Variants in CRYBG2 observed in about 807,000 individuals in gnomAD.
The protein encoded by CRYBG2 is crystallin beta-gamma domain containing 2, also known as beta/gamma crystallin domain-containing protein 2.
A neutral mutation model predicts 153.4 loss-of-function variants in CRYBG2; 106 were observed. That is an observed-to-expected ratio of 0.69 (90% CI 0.59 to 0.81). CRYBG2 has a LOEUF of 0.81. Ranked by LOEUF, CRYBG2 falls within the 30% of genes least tolerant of loss-of-function variation. The pLI is 0.00. For missense variants in CRYBG2, 1,996 were observed against 2,112.0 expected (o/e 0.95, Z 1.08); for synonymous variants, 851 against 877.8 (o/e 0.97, Z 0.54).
At chr1:26,337,924 C>A (rs1213105364) in intron 8 of CRYBG2, 88 bp downstream of exon 8, 1 of 1,520,232 alleles carries the variant, frequency 6.6e-7, no homozygotes. Flanking sequence ...GTGCCCTCCT[C>A]TCTGGATTTC....
At chr1:26,326,738 A>T in intron 17 of CRYBG2, 1 of 404,020 alleles carries the variant, frequency 2.5e-6, no homozygotes, top group Non-Finnish European at 5.1e-6. Context: ...TACAGCCTCT[A>T]ACAAAACTAG....
chr1:26,340,052 A>C (rs935218905), intron 5 of CRYBG2, among the ~76,000 whole-genome samples: 12 of 152,234 alleles, frequency 7.9e-5, no homozygotes, highest in African/African-American at 2.7e-4. Flanking sequence ...AGGATGGGCA[A>C]GATGGACAGC....
In CRYBG2 at chr1:26,336,797, G is replaced by A. The variant is rs769716801; in HGVS notation, c.3911+44C>T. The A allele has an allele frequency of 3.2e-6, 5 of 1,553,756 alleles. No homozygotes were observed. The highest frequency in any genetic ancestry group is 1.9e-5 in the Admixed American group (1 of 51,306). ...CTGCACCTCTCCTGGAACCGCCCCC[G>A]GCTCGCCCGGGCCCGCCCCGCTCCC... is the stretch of plus-strand genomic sequence containing the variant. On this transcript the variant is annotated intron_variant, in intron 11 of 19. Coordinates refer to ENST00000308182, the MANE Select transcript of CRYBG2 (RefSeq NM_001039775.4). This position sits in a 1 kb window ranked among gnomAD's most constrained non-coding sequence, Gnocchi z 4.9.
intron 10 of CRYBG2, 88 bp from the exon 11 acceptor site, chr1:26,337,068 G>C: frequency 5.7e-6 from 9 of 1,572,872 alleles, no homozygotes; most frequent in Non-Finnish European, 7.8e-6. Context: ...GCCCACCCGG[G>C]GAATTAGGGG....
intron 14 of CRYBG2, among the ~76,000 whole-genome samples, chr1:26,332,608 G>T (rs1051531133): frequency 7.9e-5 from 12 of 152,118 alleles, no homozygotes; most frequent in Admixed American, 5.9e-4. Context: ...CTGGGTTTAA[G>T]CAATTCTCCT....
rs1004879601 is a variant in CRYBG2, at chr1:26,325,844, A to G, written c.4579-1534T>C. ...CACATATGCAGGCAGTGCTTCCCCAAGTGAGGTATGCTTACTACCAGTGGG... is the reference window on the plus strand; with the variant it reads ...CACATATGCAGGCAGTGCTTCCCCAGGTGAGGTATGCTTACTACCAGTGGG... On this transcript the variant is annotated intron_variant, in intron 17 of 19. Transcript: ENST00000308182. The surrounding 1 kb of genome is among the most constrained non-coding windows in gnomAD (Gnocchi z 4.1). Among the ~76,000 whole-genome samples, 2 of 152,190 alleles carry G rather than the reference A, an allele frequency of 1.3e-5. No homozygotes were observed. The highest frequency in any genetic ancestry group is 4.8e-5 in the African/African-American group (2 of 41,450).
In CRYBG2 at chr1:26,336,802, G is replaced by A. The variant is rs765991580; in HGVS notation, c.3911+39C>T. ...CCTCTCCTGGAACCGCCCCCGGCTC[G>A]CCCGGGCCCGCCCCGCTCCCGGAGC... On this transcript the variant is annotated intron_variant, in intron 11 of 19. Coordinates refer to ENST00000308182, the MANE Select transcript of CRYBG2 (RefSeq NM_001039775.4). The surrounding 1 kb of genome is among the most constrained non-coding windows in gnomAD (Gnocchi z 4.9). 6.5e-7 allele frequency: 1 copy of A among 1,549,748 alleles called. No homozygotes were observed. The highest frequency in any genetic ancestry group is 8.7e-7 in the Non-Finnish European group (1 of 1,149,778).
chr1:26,326,607 C>A, intron 17 of CRYBG2: 1 of 202,964 alleles, frequency 4.9e-6, no homozygotes, highest in Middle Eastern at 2.2e-3. Context: ...GATATTATTC[C>A]TTAGGACAAG....
In CRYBG2 at chr1:26,336,923, C is replaced by T. The variant is rs765437053; in HGVS notation, c.3829G>A (p.Val1277Met). 4.3e-6 allele frequency: 7 copies of T among 1,612,918 alleles called. No homozygotes were observed. In the African/African-American group the frequency reaches 8.0e-5, roughly 18 times the overall value. The change falls in exon 11 of 20, where the codon GTG becomes ATG. Residue 1277 changes from valine (V) to methionine (M), a missense_variant. By Grantham distance (21) the Val-to-Met change is conservative (BLOSUM62 1). Transcript: ENST00000308182. This position sits in a 1 kb window ranked among gnomAD's most constrained non-coding sequence, Gnocchi z 4.9. ...TCCGGCAATGCCTTGCTCACCTCCA[C>T]GCCGTGCCCCTCGAAGTCCATGGCC... ...FEAMDFEGHG[V>M]EVSKALPDVE...
At position 26,345,987 on chromosome 1, in the gene CRYBG2, G is replaced by A. The variant is rs1179044316; in HGVS notation, c.671C>T (p.Ser224Phe). Residue 224 changes from serine to phenylalanine, a missense_variant, in exon 2 of 20, where the codon TCC becomes TTC. Ser to Phe is a radical substitution (Grantham distance 155). Coordinates refer to ENST00000308182, the MANE Select transcript of CRYBG2 (RefSeq NM_001039775.4). ...SRMVPPVVVG[S>F]PPGSPSRSQA... Reference sequence around the variant, plus strand: ...GCTGCGGCTGGGCGAGCCTGGTGGGGAGCCCACCACCACTGGCGGCACCAT... The same window carrying A: ...GCTGCGGCTGGGCGAGCCTGGTGGGAAGCCCACCACCACTGGCGGCACCAT... 1 of 1,593,682 alleles carries A rather than the reference G, an allele frequency of 6.3e-7. No individual in the cohort carries two copies. Among genetic ancestry groups the A allele is most frequent in the Non-Finnish European group, 8.5e-7 (1 of 1,177,322 alleles).
chr1:26,341,077 G>A (rs765501534), intron 5 of CRYBG2, among the ~76,000 whole-genome samples: 6 of 151,920 alleles, frequency 3.9e-5, no homozygotes, highest in Admixed American at 6.6e-5. Flanking sequence ...AGTGGCTCAC[G>A]CCTGTAATCC....
rs750466079 is a variant in CRYBG2 at position 26,346,485 on chromosome 1, C to A, written c.173G>T (p.Ser58Ile). The change falls in exon 2 of 20, where the codon AGC becomes ATC. Residue 58 changes from serine (S) to isoleucine (I), a missense_variant. Transcript: ENST00000308182. The surrounding 1 kb of genome is among the most constrained non-coding windows in gnomAD (Gnocchi z 4.9). ...EAPQKEMFEFSRREEVEVNGF... is the reference protein window; with the variant it reads ...EAPQKEMFEFIRREEVEVNGF... Reference sequence around the variant, plus strand: ...ATTGACTTCCACTTCCTCTCGACGGCTGAACTCAAACATCTCCTTCTGCGG... The same window carrying A: ...ATTGACTTCCACTTCCTCTCGACGGATGAACTCAAACATCTCCTTCTGCGG... 11 of 1,611,764 alleles carry A rather than the reference C, an allele frequency of 6.8e-6. No homozygotes were observed. The highest frequency in any genetic ancestry group is 8.5e-6 in the Non-Finnish European group (10 of 1,179,842).
rs905722404 is a variant in CRYBG2 at position 26,343,365 on chromosome 1, C to G, written c.2914-72G>C. Reference sequence around the variant, plus strand: ...TTCTGCCTCCCCACAACCCGCCATTCCAAGGATCCCACATCCTCCCTATTA... The same window carrying G: ...TTCTGCCTCCCCACAACCCGCCATTGCAAGGATCCCACATCCTCCCTATTA... On this transcript the variant is annotated intron_variant, in intron 2 of 19. Transcript: ENST00000308182. The surrounding 1 kb of genome is among the most constrained non-coding windows in gnomAD (Gnocchi z 4.1). 4 of 1,497,008 alleles carry G rather than the reference C, an allele frequency of 2.7e-6. No homozygotes were observed. The allele number at this position is 1,497,008 out of a possible 1,614,324, so 92.7% of individuals were successfully genotyped here. A position where few individuals can be genotyped will look rare whatever the true frequency, so the allele number is the denominator to read the frequency against.
Position 26,324,213 on chromosome 1 carries a change from G to T in CRYBG2, c.4676C>A (p.Ala1559Asp). ...EDMKAGRVVV[A>D]DPQAGGSCIW... ...GCAGCTACCTCCAGCTTGGGGGTCG[G>T]CGACCACCACACGGCCTGCTTTCAT... Residue 1559 changes from alanine to aspartate, a missense_variant, in exon 18 of 20, where the codon GCC (alanine) becomes GAC (aspartate). Physicochemically the swap from Ala to Asp is moderately radical, Grantham distance 126. Coordinates refer to ENST00000308182, the MANE Select transcript of CRYBG2 (RefSeq NM_001039775.4). The T allele has an allele frequency of 6.2e-7, 1 of 1,613,062 alleles. No individual in the cohort carries two copies. The highest frequency in any genetic ancestry group is 8.5e-7 in the Non-Finnish European group (1 of 1,179,910).
chr1:26,349,716 G>A (rs917055202), intron 1 of CRYBG2, among the ~76,000 whole-genome samples: 6 of 151,980 alleles, frequency 3.9e-5, no homozygotes, highest in Non-Finnish European at 7.4e-5. Context: ...TGGGTTATGA[G>A]GGCTATGCCT....
chr1:26,343,978 G>T lies in CRYBG2; in HGVS notation c.2680C>A (p.Leu894Met). ...KGPHSELGLE[L>M]QGGSRPTSRL... ...GAAGTGGGCCTGCTGCCTCCCTGCA[G>T]TTCCAATCCCAGCTCTGAGTGGGGG... Residue 894 changes from leucine to methionine, a missense_variant, in exon 2 of 20, where the codon CTG becomes ATG. By Grantham distance (15) the Leu-to-Met change is conservative. Transcript: ENST00000308182. This position sits in a 1 kb window ranked among gnomAD's most constrained non-coding sequence, Gnocchi z 4.1. 6.5e-7 allele frequency: 1 copy of T among 1,537,054 alleles called. No individual in the cohort carries two copies. Among genetic ancestry groups the T allele is most frequent in the Non-Finnish European group, 8.7e-7 (1 of 1,146,862 alleles).
At chr1:26,347,818 G>T (rs915479982) in intron 1 of CRYBG2, among the ~76,000 whole-genome samples, 9 of 152,104 alleles carry the variant, frequency 5.9e-5, no homozygotes, top group African/African-American at 1.9e-4. Flanking sequence ...GTACTTTGAG[G>T]TCTTGTTATG....
At chr1:26,342,905 G>C in intron 4 of CRYBG2, 22 bp from the exon 5 acceptor site, 1 of 1,613,652 alleles carries the variant, frequency 6.2e-7, no homozygotes, top group Non-Finnish European at 8.5e-7. Flanking sequence ...GAGATTCCAG[G>C]ATCACAGATG....
At chr1:26,342,942 G>T in intron 4 of CRYBG2, 59 bp from the exon 5 acceptor site, 1 of 1,599,260 alleles carries the variant, frequency 6.3e-7, no homozygotes, top group South Asian at 1.1e-5. Context: ...CAGGGCTGCT[G>T]GGTAGCTGAT....
Sources: gnomAD v4.1 joint callset for allele counts (sites outside exome capture counted in the v4.1 genomes callset) on GRCh38, gnomAD v4.1.1 for gene constraint, Gnocchi (gnomAD v3.1) non-coding constraint, MANE v1.5 for transcripts, NCBI Gene and HGNC (gene_info 2026-07-23, HGNC 2026-07-21) for gene names.